MAGI2: variants seen among roughly 807,000 people sequenced by gnomAD.
MAGI2 encodes membrane-associated guanylate kinase, WW and PDZ domain-containing protein 2.
A neutral mutation model predicts 133.3 loss-of-function variants in MAGI2; 35 were observed. That is an observed-to-expected ratio of 0.26 (90% confidence interval 0.20 to 0.35). MAGI2 has a LOEUF of 0.35. MAGI2 is among the 10% of genes least tolerant of loss of function. The pLI, the probability that MAGI2 is intolerant of heterozygous loss-of-function variation, is 1.00. For synonymous variants in MAGI2, 729 were observed against 710.6 expected, an observed-to-expected ratio of 1.03 and a Z score of -0.41; for missense variants, 1,636 against 1,863.4, an observed-to-expected ratio of 0.88 and a Z score of 2.25.
intron 1 of MAGI2, among the ~76,000 whole-genome samples, chr7:79,387,094 T>TGTGTGTGTG (rs1844236781): frequency 8.5e-5 from 12 of 141,504 alleles, no homozygotes; most frequent in African/African-American, 2.7e-4. Context: ...ATTTTTATGC[T>TGTGTGTGTG]TGTGTGTGTG....
At chr7:78,211,161 C>T (rs1225198398) in intron 10 of MAGI2, among the ~76,000 whole-genome samples, 1 of 152,126 alleles carries the variant, frequency 6.6e-6, no homozygotes, top group Non-Finnish European at 1.5e-5. Flanking sequence ...GGGAGACATT[C>T]ACCTTAATTG....
chr7:78,452,403 C>T (rs1788821171), intron 6 of MAGI2, among the ~76,000 whole-genome samples: 1 of 151,936 alleles, frequency 6.6e-6, no homozygotes, highest in Non-Finnish European at 1.5e-5. Context: ...AGTATGAAGA[C>T]AGGCTATTAT....
Position 78,256,378 on chromosome 7 carries a change from C to G in MAGI2, c.1612G>C (p.Val538Leu). 3.7e-6 allele frequency: 6 copies of G among 1,613,966 alleles called. No homozygotes were observed. The highest frequency in any genetic ancestry group is 5.1e-6 in the Non-Finnish European group (6 of 1,179,968). Residue 538 changes from valine (V) to leucine (L), a missense_variant, in exon 10 of 22, where the codon GTC becomes CTC. Coordinates refer to ENST00000354212, the MANE Select transcript of MAGI2 (RefSeq NM_012301.4). ...GTTTCATAGTTGTGTCTTCCATTGA[C>G]CATCACTGGAGGTGGCCTCTCCATT... ...AIMERPPPVM[V>L]NGRHNYETYL...
chr7:79,392,216 C>T (rs533993699), intron 1 of MAGI2, among the ~76,000 whole-genome samples: 41 of 152,246 alleles, frequency 2.7e-4, no homozygotes, highest in Non-Finnish European at 4.9e-4. Context: ...GCATAGTATT[C>T]CATGGTGTAC....
At chr7:79,256,970 A>G (rs2129556102) in intron 1 of MAGI2, among the ~76,000 whole-genome samples, 1 of 152,160 alleles carries the variant, frequency 6.6e-6, no homozygotes, top group South Asian at 2.1e-4. Flanking sequence ...CAAGAGACTT[A>G]TTGTACAACA....
In MAGI2 at chr7:78,605,619, C is replaced by T. The variant is rs536333339; in HGVS notation, c.538+21501G>A. Among the ~76,000 whole-genome samples the T allele has an allele frequency of 5.3e-4, 81 of 152,200 alleles. 1 individual carries two copies. The highest frequency in any genetic ancestry group is 2.1e-3 in the South Asian group (10 of 4,822). ...CTGTAATTATTATGATGAAGCCTAT[C>T]GGGGACATAGAACACAGAGCATGCT... On this transcript the variant is annotated intron_variant, in intron 3 of 21. Coordinates refer to ENST00000354212, the MANE Select transcript of MAGI2 (RefSeq NM_012301.4).
chr7:78,864,325 ATACCATTC>A (rs1310220320), intron 2 of MAGI2, among the ~76,000 whole-genome samples: 3 of 152,230 alleles, frequency 2.0e-5, no homozygotes, highest in African/African-American at 7.2e-5. Context: ...ACTTACACGT[ATACCATTC>A]TACAGCATTG....
chr7:79,056,359 G>GA (rs1013642987), intron 1 of MAGI2, among the ~76,000 whole-genome samples: 11 of 151,662 alleles, frequency 7.3e-5, no homozygotes, highest in Admixed American at 2.0e-4. Flanking sequence ...TTTTTCTAAA[G>GA]AAAAAAAATC....
intron 3 of MAGI2, chr7:78,621,204 A>G (rs917771350): frequency 1.3e-5 from 2 of 151,820 alleles, no homozygotes; most frequent in Admixed American, 6.6e-5. Context: ...TTGGCATCTC[A>G]CCTTTACCTG....
intron 16 of MAGI2, among the ~76,000 whole-genome samples, chr7:78,149,379 A>T (rs960082773): frequency 6.6e-6 from 1 of 152,194 alleles, no homozygotes; most frequent in African/African-American, 2.4e-5. Context: ...ATAATTGTGT[A>T]TAAATTCCGC....
intron 10 of MAGI2, among the ~76,000 whole-genome samples, chr7:78,245,729 T>C (rs1490659480): frequency 6.6e-6 from 1 of 151,896 alleles, no homozygotes; most frequent in Admixed American, 6.6e-5. Context: ...CTTGGACACC[T>C]GCAGTCCTCA....
At chr7:78,803,570 G>A (rs1309070672) in intron 2 of MAGI2, among the ~76,000 whole-genome samples, 4 of 151,986 alleles carry the variant, frequency 2.6e-5, no homozygotes, top group Non-Finnish European at 5.9e-5. Flanking sequence ...CCTGCTCCTT[G>A]AACTGATTTC....
At position 78,019,669 on chromosome 7, in the gene MAGI2, G is replaced by A. The variant is rs1563008120; in HGVS notation, c.4014C>T (p.Pro1338=). The A allele has an allele frequency of 1.4e-5, 19 of 1,327,002 alleles. No individual in the cohort carries two copies. Among genetic ancestry groups the A allele is most frequent in the Admixed American group, 4.1e-5 (1 of 24,494 alleles). The allele number at this position is 1,327,002 out of a possible 1,614,324, so 82.2% of individuals were successfully genotyped here. Residue 1338 remains proline (P), a synonymous_variant, in exon 22 of 22, where the codon CCC becomes CCT. Transcript: ENST00000354212. ...CCTCCGAGGCGGGCCTGCCGGCCTC[G>A]GGCCGCCCCTGGCCGCCGGGCGCCT... The part of the protein sequence containing the change: ...LEEAPGGQGR[P]EAGRPASEAR...
chr7:78,288,647 C>T (rs963226101), intron 9 of MAGI2, among the ~76,000 whole-genome samples: 6 of 152,214 alleles, frequency 3.9e-5, no homozygotes, highest in Non-Finnish European at 8.8e-5. Context: ...GGGCAGACTG[C>T]CTCCTCAAGT....
chr7:78,760,484 T>A (rs1403644447), intron 2 of MAGI2, among the ~76,000 whole-genome samples: 2 of 150,624 alleles, frequency 1.3e-5, no homozygotes, highest in African/African-American at 4.9e-5. Context: ...TGCCTCAGCC[T>A]CCCGAGTAGC....
At chr7:78,643,449 T>C (rs923540940) in intron 2 of MAGI2, among the ~76,000 whole-genome samples, 3 of 152,152 alleles carry the variant, frequency 2.0e-5, no homozygotes, top group African/African-American at 7.2e-5. Context: ...GTGCCCCCTT[T>C]ACAAGTCACA....
chr7:78,922,590 C>T (rs1453705606), intron 2 of MAGI2, among the ~76,000 whole-genome samples: 13 of 152,042 alleles, frequency 8.6e-5, no homozygotes, highest in Non-Finnish European at 1.6e-4. Context: ...TCCAGTCTAT[C>T]GTTGTTGGAC....
chr7:78,353,527 T>A (rs1334988350), intron 7 of MAGI2, among the ~76,000 whole-genome samples: 1 of 152,156 alleles, frequency 6.6e-6, no homozygotes, highest in East Asian at 1.9e-4. Flanking sequence ...AGTTACTCAT[T>A]CTAGAAGTGG....
intron 1 of MAGI2, among the ~76,000 whole-genome samples, chr7:79,059,396 G>C (rs1218282376): frequency 6.6e-6 from 1 of 151,978 alleles, no homozygotes; most frequent in African/African-American, 2.4e-5. Context: ...GAATGAGAAA[G>C]CATAGGTTAA....
Sources: allele counts gnomAD v4.1 joint callset (sites outside exome capture counted in the v4.1 genomes callset), GRCh38; gene constraint gnomAD v4.1.1; transcripts MANE v1.5; gene names NCBI Gene and HGNC (gene_info 2026-07-23, HGNC 2026-07-21).